PTPRM: variants seen among roughly 807,000 people sequenced by gnomAD.
The protein encoded by PTPRM is protein tyrosine phosphatase receptor type M, also known as receptor-type tyrosine-protein phosphatase mu.
PTPRM carries 47 observed loss-of-function variants against 186.7 expected under a neutral mutation model. The observed-to-expected ratio is 0.25, with a 90% confidence interval of 0.20 to 0.32. The LOEUF (loss-of-function observed/expected upper bound fraction) is 0.32, where lower values mean the gene tolerates loss of function less well. Ranked by LOEUF, PTPRM falls within the 10% of genes least tolerant of loss-of-function variation. The pLI, the probability that PTPRM is intolerant of heterozygous loss-of-function variation, is 1.00. For synonymous variants in PTPRM, 668 were observed against 674.9 expected (o/e 0.99, Z 0.16); for missense variants, 1,494 against 1,865.0 (o/e 0.80, Z 3.66).
At chr18:7,624,955 T>C (rs1047876092) in intron 1 of PTPRM, among the ~76,000 whole-genome samples, 1 of 152,230 alleles carries the variant, frequency 6.6e-6, no homozygotes, top group Middle Eastern at 3.2e-3. Context: ...TATCAGCTGC[T>C]GCTGCTGAGT....
intron 1 of PTPRM, among the ~76,000 whole-genome samples, chr18:7,585,100 G>C (rs913499457): frequency 6.6e-6 from 1 of 152,214 alleles, no homozygotes; most frequent in African/African-American, 2.4e-5. Flanking sequence ...AGATCCGTGG[G>C]AAAACTGCAG....
chr18:8,135,526 A>C (rs2092617862), intron 13 of PTPRM, among the ~76,000 whole-genome samples: 1 of 152,172 alleles, frequency 6.6e-6, no homozygotes, highest in Admixed American at 6.5e-5. Context: ...GCATGTTTCA[A>C]AGCTCTCCAA....
chr18:8,153,643 A>G (rs2093059973), intron 14 of PTPRM, among the ~76,000 whole-genome samples: 1 of 152,220 alleles, frequency 6.6e-6, no homozygotes, highest in Admixed American at 6.5e-5. Flanking sequence ...ACAAACTATC[A>G]TATTCCATAG....
chr18:8,167,650 G>C (rs1390513457), intron 14 of PTPRM, among the ~76,000 whole-genome samples: 2 of 152,194 alleles, frequency 1.3e-5, no homozygotes, highest in Admixed American at 1.3e-4. Flanking sequence ...AGCATCTGTG[G>C]TCCAAAGGCA....
At chr18:8,045,190 A>G (rs2086961420) in intron 7 of PTPRM, among the ~76,000 whole-genome samples, 1 of 152,176 alleles carries the variant, frequency 6.6e-6, no homozygotes, top group South Asian at 2.1e-4. Context: ...CTAATAAAAA[A>G]TACAAAAATT....
intron 23 of PTPRM, among the ~76,000 whole-genome samples, chr18:8,352,228 G>C (rs1264762520): frequency 6.6e-6 from 1 of 152,212 alleles, no homozygotes; most frequent in Non-Finnish European, 1.5e-5. Context: ...TCTGCCTGTG[G>C]CAATCTAGGT....
intron 22 of PTPRM, among the ~76,000 whole-genome samples, chr18:8,341,315 C>T (rs1163070736): frequency 6.6e-6 from 1 of 152,176 alleles, no homozygotes; most frequent in African/African-American, 2.4e-5. Context: ...TACAGACTTA[C>T]CATCCATTCA....
At chr18:7,853,659 AT>A (rs1599072190) in intron 2 of PTPRM, among the ~76,000 whole-genome samples, 1 of 152,204 alleles carries the variant, frequency 6.6e-6, no homozygotes, top group East Asian at 1.9e-4. Flanking sequence ...GAGCATCTCC[AT>A]TGATTAGAAG....
At chr18:8,019,652 G>T (rs2085085051) in intron 7 of PTPRM, among the ~76,000 whole-genome samples, 1 of 149,150 alleles carries the variant, frequency 6.7e-6, no homozygotes, top group African/African-American at 2.5e-5. Context: ...CTTATCCTTT[G>T]TTTACTATCT....
At chr18:7,998,797 G>A (rs535032628) in intron 7 of PTPRM, among the ~76,000 whole-genome samples, 22 of 152,090 alleles carry the variant, frequency 1.4e-4, no homozygotes, top group Non-Finnish European at 2.8e-4. Context: ...TAGAATTACA[G>A]GCATGTGCCA....
At chr18:8,302,536 A>G (rs2095170674) in intron 20 of PTPRM, among the ~76,000 whole-genome samples, 1 of 152,052 alleles carries the variant, frequency 6.6e-6, no homozygotes, top group Non-Finnish European at 1.5e-5. Flanking sequence ...TTTAGATCTG[A>G]CTGCAGAGAA....
At chr18:8,154,726 A>T (rs961720393) in intron 14 of PTPRM, 1 of 152,334 alleles carries the variant, frequency 6.6e-6, no homozygotes, top group East Asian at 1.9e-4. Flanking sequence ...TAGTACATGG[A>T]ATTATTTAAC....
At chr18:7,774,017 G>C in intron 1 of PTPRM, 132 bp from the exon 2 acceptor site, 7 of 868,430 alleles carry the variant, frequency 8.1e-6, no homozygotes, top group Non-Finnish European at 1.1e-5. Context: ...CACAGCTCCT[G>C]AGTGGAAAGA....
At chr18:8,109,031 T>A (rs565086786) in intron 11 of PTPRM, among the ~76,000 whole-genome samples, 2 of 152,128 alleles carry the variant, frequency 1.3e-5, no homozygotes, top group South Asian at 4.1e-4. Context: ...TTAAAACTCT[T>A]TCTAGAAACA....
chr18:8,165,575 G>A (rs1217657336), intron 14 of PTPRM, among the ~76,000 whole-genome samples: 4 of 152,210 alleles, frequency 2.6e-5, no homozygotes, highest in African/African-American at 9.6e-5. Context: ...TAGGCAGCGT[G>A]TACCGCCAAA....
chr18:8,231,838 C>G (rs761317871), intron 14 of PTPRM, among the ~76,000 whole-genome samples: 2 of 152,008 alleles, frequency 1.3e-5, no homozygotes, highest in Non-Finnish European at 2.9e-5. Context: ...ATACGGAGTT[C>G]CCATATAGTT....
chr18:8,080,232 A>G (rs2090053570), intron 9 of PTPRM, among the ~76,000 whole-genome samples: 1 of 152,170 alleles, frequency 6.6e-6, no homozygotes, highest in Non-Finnish European at 1.5e-5. Context: ...ACCTATTTCT[A>G]GAAGTTTATT....
At chr18:7,853,298 C>T (rs1374165839) in intron 2 of PTPRM, among the ~76,000 whole-genome samples, 1 of 152,120 alleles carries the variant, frequency 6.6e-6, no homozygotes, top group East Asian at 1.9e-4. Context: ...ATGTGAGTTA[C>T]TTAGTTGAGG....
chr18:8,025,749 A>G (rs1340661816), intron 7 of PTPRM, among the ~76,000 whole-genome samples: 3 of 152,228 alleles, frequency 2.0e-5, no homozygotes, highest in Non-Finnish European at 4.4e-5. Context: ...TAATTAAACC[A>G]TTCCGGATAA....
Sources: gnomAD v4.1 joint callset for allele counts (sites outside exome capture counted in the v4.1 genomes callset) on GRCh38, gnomAD v4.1.1 for gene constraint, MANE v1.5 for transcripts, NCBI Gene and HGNC (gene_info 2026-07-23, HGNC 2026-07-21) for gene names.